Variants in TULP4 observed in about 807,000 individuals in gnomAD.
TULP4 encodes the protein tubby-related protein 4.
TULP4 carries 16 observed loss-of-function variants against 129.0 expected under a neutral mutation model. That is an observed-to-expected ratio of 0.12 (90% CI 0.08 to 0.19). The LOEUF (loss-of-function observed/expected upper bound fraction) is 0.19. Among genes scored for constraint, TULP4 ranks in the 10% least tolerant of loss-of-function variants. The pLI is 1.00. For synonymous variants in TULP4, 998 were observed against 854.0 expected (o/e 1.17, Z -2.94); for missense variants, 1,842 against 2,059.1 (o/e 0.89, Z 2.04).
intron 1 of TULP4, among the ~76,000 whole-genome samples, chr6:158,272,931 G>A (rs1003472848): frequency 2.0e-5 from 3 of 152,198 alleles, no homozygotes; most frequent in Non-Finnish European, 4.4e-5. Flanking sequence ...TGATTATTGG[G>A]TTTGTAGATG....
chr6:158,237,393 T>C, intron 1 of TULP4: 1 of 1,611,886 alleles, frequency 6.2e-7, no homozygotes. Flanking sequence ...TTTTTGTTGC[T>C]GGAGCCCCTG....
At chr6:158,425,198 A>G (rs1337271746) in intron 2 of TULP4, among the ~76,000 whole-genome samples, 2 of 144,742 alleles carry the variant, frequency 1.4e-5, no homozygotes, top group Non-Finnish European at 3.0e-5. Context: ...TCATACACCT[A>G]CTAGAATAGT....
At chr6:158,414,854 C>G (rs1475426893) in intron 2 of TULP4, among the ~76,000 whole-genome samples, 2 of 152,144 alleles carry the variant, frequency 1.3e-5, no homozygotes, top group African/African-American at 4.8e-5. Flanking sequence ...TTTCAGTCTC[C>G]AGGAACCCTG....
chr6:158,385,478 C>T (rs911384073), intron 1 of TULP4, among the ~76,000 whole-genome samples: 7 of 152,056 alleles, frequency 4.6e-5, no homozygotes, highest in South Asian at 2.1e-4. Context: ...GGCTTTCAGG[C>T]GAATAAATGC....
chr6:158,504,296 C>G (rs1780546631), intron 13 of TULP4, 118 bp downstream of exon 13: 3 of 813,180 alleles, frequency 3.7e-6, no homozygotes, highest in Middle Eastern at 3.7e-4. Context: ...ACGAACACCT[C>G]TTAGGTGGAG....
chr6:158,376,350 G>C (rs866129814), intron 1 of TULP4, among the ~76,000 whole-genome samples: 3 of 152,196 alleles, frequency 2.0e-5, no homozygotes. Flanking sequence ...CATGTCTGGT[G>C]CCTACACTGG....
At chr6:158,499,017 G>A (rs577520300) in intron 12 of TULP4, among the ~76,000 whole-genome samples, 31 of 152,336 alleles carry the variant, frequency 2.0e-4, no homozygotes, top group African/African-American at 6.7e-4. Flanking sequence ...GAGGGGAGCT[G>A]CTGGAGCACA....
At chr6:158,325,366 T>TTC (rs1177956848) in intron 1 of TULP4, among the ~76,000 whole-genome samples, 3 of 150,908 alleles carry the variant, frequency 2.0e-5, no homozygotes, top group African/African-American at 7.3e-5. Flanking sequence ...TTTTTTTTTT[T>TTC]TTTTCAGACA....
At chr6:158,458,066 A>T (rs931579308) in intron 5 of TULP4, among the ~76,000 whole-genome samples, 2 of 152,160 alleles carry the variant, frequency 1.3e-5, no homozygotes, top group Admixed American at 1.3e-4. Flanking sequence ...AAAGAGGTGA[A>T]TCATGCACAT....
In TULP4 at chr6:158,498,746, A is replaced by G. The variant is rs745964477; in HGVS notation, c.1948A>G (p.Met650Val). The G allele has an allele frequency of 8.1e-6, 13 of 1,614,100 alleles. No homozygotes were observed. Among genetic ancestry groups the G allele is most frequent in the Non-Finnish European group, 9.3e-6 (11 of 1,180,040 alleles). The change falls in exon 12 of 14, where the codon ATG (methionine) becomes GTG (valine). Residue 650 changes from methionine to valine, a missense_variant. By Grantham distance (21) the Met-to-Val change is conservative. Around this residue, in one of 5 missense-constraint regions of TULP4, gnomAD observed 99 missense variants for 165.1 expected, o/e 0.60. Coordinates refer to ENST00000367097, the MANE Select transcript of TULP4 (RefSeq NM_020245.5). ...IYLPEVRKISMDYINLPVFNP... is the reference protein window; with the variant it reads ...IYLPEVRKISVDYINLPVFNP... Reference sequence around the variant, plus strand: ...TCTCCCAGAAGTTCGGAAAATTTCCATGGACTATATTAATTTACCTGTCTT... The same window carrying G: ...TCTCCCAGAAGTTCGGAAAATTTCCGTGGACTATATTAATTTACCTGTCTT...
At chr6:158,232,491 C>T (rs1777614862) in intron 1 of TULP4, among the ~76,000 whole-genome samples, 2 of 150,412 alleles carry the variant, frequency 1.3e-5, no homozygotes, top group South Asian at 2.1e-4. Context: ...GAGGGGGCGG[C>T]GCAAGGGGGC....
chr6:158,412,960 T>A, intron 1 of TULP4, 105 bp from the exon 2 acceptor site: 2 of 1,454,530 alleles, frequency 1.4e-6, no homozygotes, highest in Non-Finnish European at 1.8e-6. Context: ...GTCTTCTCCC[T>A]TTATTGACTG....
chr6:158,444,588 G>A (rs1562568866), intron 3 of TULP4, among the ~76,000 whole-genome samples: 1 of 152,146 alleles, frequency 6.6e-6, no homozygotes, highest in Non-Finnish European at 1.5e-5. Flanking sequence ...CAATTTAGAT[G>A]TGTAGGGTCC....
chr6:158,424,238 G>A (rs928470826), intron 2 of TULP4, among the ~76,000 whole-genome samples: 7 of 152,060 alleles, frequency 4.6e-5, no homozygotes, highest in African/African-American at 1.7e-4. Context: ...TATAATCTAT[G>A]CACATCATCT....
intron 4 of TULP4, among the ~76,000 whole-genome samples, chr6:158,450,696 T>G (rs538163933): frequency 2.6e-4 from 39 of 152,090 alleles, no homozygotes; most frequent in African/African-American, 8.7e-4. Flanking sequence ...CAGCATACTC[T>G]TAGAACTCCT....
At chr6:158,461,500 CT>C in intron 5 of TULP4, 62 bp from the exon 6 acceptor site, 8 of 1,527,184 alleles carry the variant, frequency 5.2e-6, no homozygotes, top group Non-Finnish European at 7.1e-6. Flanking sequence ...AGACAGTAGG[CT>C]TGCTGAGTGG....
At chr6:158,317,184 T>G (rs201390001) in intron 1 of TULP4, among the ~76,000 whole-genome samples, 1 of 37,780 alleles carries the variant, frequency 2.6e-5, no homozygotes, top group Non-Finnish European at 7.6e-5. Context: ...TTTACTTTTT[T>G]GGTTTTTTTT....
At chr6:158,308,956 G>A (rs1318355871), upstream of TULP4, among the ~76,000 whole-genome samples, 8 of 138,770 alleles carry the variant, frequency 5.8e-5, no homozygotes, top group African/African-American at 1.3e-4. Flanking sequence ...CCTCCCTCCC[G>A]GACGGGGCGG....
chr6:158,282,739 C>G (rs556942875), intron 1 of TULP4: 2 of 152,208 alleles, frequency 1.3e-5, no homozygotes, highest in Non-Finnish European at 2.9e-5. Context: ...AAGCAGGCAT[C>G]TGGATCTTCC....
Sources: gnomAD v4.1 joint callset for allele counts (sites outside exome capture counted in the v4.1 genomes callset) on GRCh38, gnomAD v4.1.1 for gene constraint, gnomAD v4.1.1 regional missense constraint, MANE v1.5 for transcripts, NCBI Gene and HGNC (gene_info 2026-07-23, HGNC 2026-07-21) for gene names.